Variants in DPP6 observed in about 807,000 individuals in gnomAD.
DPP6 encodes the protein A-type potassium channel modulatory protein DPP6.
Under a neutral mutation model 122.6 loss-of-function variants are expected in DPP6, and 69 were observed. The observed-to-expected ratio is 0.56, with a 90% CI of 0.46 to 0.69. The LOEUF (loss-of-function observed/expected upper bound fraction) is 0.69. Among genes scored for constraint, DPP6 ranks in the 30% least tolerant of loss-of-function variants. The pLI is 0.00. For missense variants in DPP6, 928 were observed against 1,116.9 expected (o/e 0.83, Z 2.41); for synonymous variants, 418 against 433.1 (o/e 0.97, Z 0.43).
intron 1 of DPP6, among the ~76,000 whole-genome samples, chr7:154,267,676 A>G (rs1585785865): frequency 2.0e-5 from 3 of 149,088 alleles, no homozygotes; most frequent in South Asian, 2.1e-4. Flanking sequence ...ATGTGTGTGT[A>G]TATATTTATC....
chr7:154,147,463 TTC>T (rs1796153922), intron 1 of DPP6, among the ~76,000 whole-genome samples: 1 of 138,062 alleles, frequency 7.2e-6, no homozygotes, highest in Non-Finnish European at 1.5e-5. Flanking sequence ...CCTTCCTTCC[TTC>T]CTTCCTTCCT....
At chr7:153,995,287 T>C (rs71530475) in intron 1 of DPP6, among the ~76,000 whole-genome samples, 1 of 152,152 alleles carries the variant, frequency 6.6e-6, no homozygotes, top group East Asian at 1.9e-4. Context: ...CCATGAGTTC[T>C]TTTAAGAAGG....
intron 7 of DPP6, among the ~76,000 whole-genome samples, chr7:154,701,026 C>T (rs1840494750): frequency 6.6e-6 from 1 of 152,158 alleles, no homozygotes; most frequent in Admixed American, 6.5e-5. Context: ...CATCACCCCC[C>T]ATCTGCCTGG....
chr7:154,149,213 C>A (rs1796280730), intron 1 of DPP6, among the ~76,000 whole-genome samples: 2 of 152,286 alleles, frequency 1.3e-5, no homozygotes, highest in Non-Finnish European at 1.5e-5. Context: ...AGCTCCATCT[C>A]AAAACCTACC....
chr7:154,384,300 C>T (rs1245148698), intron 1 of DPP6, among the ~76,000 whole-genome samples: 3 of 152,156 alleles, frequency 2.0e-5, no homozygotes, highest in African/African-American at 2.4e-5. Context: ...CAGGAAAGGA[C>T]AAGTCAAGGC....
chr7:154,579,862 G>A (rs1309843144), intron 5 of DPP6, among the ~76,000 whole-genome samples: 4 of 152,086 alleles, frequency 2.6e-5, no homozygotes, highest in African/African-American at 4.8e-5. Flanking sequence ...CGGTAAGGAG[G>A]GCAAGTTATC....
chr7:154,576,800 C>G (rs1294293653), intron 5 of DPP6, among the ~76,000 whole-genome samples: 1 of 152,020 alleles, frequency 6.6e-6, no homozygotes, highest in South Asian at 2.1e-4. Context: ...GTAGGTGTCC[C>G]CTGGGGCTAG....
intron 14 of DPP6, 121 bp from the exon 15 acceptor site, chr7:154,804,796 T>A: frequency 1.4e-6 from 2 of 1,384,824 alleles, no homozygotes; most frequent in Admixed American, 2.0e-5. Flanking sequence ...ACAGGGGAGC[T>A]ACTCCCTGCA....
intron 16 of DPP6, among the ~76,000 whole-genome samples, chr7:154,813,154 C>T (rs900410155): frequency 6.6e-6 from 1 of 151,592 alleles, no homozygotes; most frequent in Non-Finnish European, 1.5e-5. Flanking sequence ...GATCTTGGCT[C>T]ATTGCAAGCT....
intron 1 of DPP6, among the ~76,000 whole-genome samples, chr7:154,100,140 G>A (rs1314812081): frequency 9.0e-6 from 1 of 111,270 alleles, no homozygotes; most frequent in Admixed American, 9.6e-5. Flanking sequence ...TCACAGAAAA[G>A]GTTTCGATTA....
intron 6 of DPP6, among the ~76,000 whole-genome samples, chr7:154,648,314 T>C (rs1226713956): frequency 6.6e-6 from 1 of 151,624 alleles, no homozygotes. Context: ...CCAGGCCTGA[T>C]GCGAAGCACT....
chr7:154,766,645 C>T (rs534338733), intron 8 of DPP6, among the ~76,000 whole-genome samples: 1 of 152,310 alleles, frequency 6.6e-6, no homozygotes, highest in African/African-American at 2.4e-5. Flanking sequence ...TGGTTTTGTT[C>T]TACCTCCCAG....
At chr7:154,867,828 G>T (rs543442542) in intron 17 of DPP6, among the ~76,000 whole-genome samples, 167 bp from the exon 18 acceptor site, 8 of 152,242 alleles carry the variant, frequency 5.3e-5, no homozygotes, top group African/African-American at 1.9e-4. Flanking sequence ...CGCATAACTT[G>T]AGCGTGTTTT....
rs570118618 is a variant in DPP6, at chr7:154,812,932, T to C, written c.1666+5820T>C. On this transcript the variant is annotated intron_variant, in intron 16 of 25. Transcript: ENST00000377770. ...TAACATTTCTTCAGCGGCTTCTCAA[T>C]ATTTGACATTTGTATGCTTATATGT... 1.4e-3 allele frequency among the ~76,000 whole-genome samples: 210 copies of C among 152,332 alleles called. 2 individuals are homozygous for C. The highest frequency in any genetic ancestry group is 1.2e-3 in the Non-Finnish European group (79 of 68,028).
At chr7:154,131,449 A>G (rs1273721442) in intron 1 of DPP6, among the ~76,000 whole-genome samples, 1 of 152,264 alleles carries the variant, frequency 6.6e-6, no homozygotes, top group Non-Finnish European at 1.5e-5. Context: ...TTAGAGTTTC[A>G]TGTCAGAGGC....
Position 154,241,185 on chromosome 7 carries a change from A to ATGTGTGTGTGTGTG in DPP6, c.243+188144_243+188157dup, listed in dbSNP as rs1554498771. Among the ~76,000 whole-genome samples, 59 of 136,266 alleles carry ATGTGTGTGTGTGTG rather than the reference A, an allele frequency of 4.3e-4. 1 individual carries two copies. Among genetic ancestry groups the ATGTGTGTGTGTGTG allele is most frequent in the African/African-American group, 1.5e-3 (52 of 35,784 alleles). The allele number at this position is 136,266 out of a possible 152,430, so 89.4% of individuals were successfully genotyped here. A position where few individuals can be genotyped will look rare whatever the true frequency, so the allele number is the denominator to read the frequency against. ...GCACAGTAGGTAATTCAATATCAATATGTGTGTGTGTGTGTGTGTGTGTGT... is the reference window on the plus strand; with the variant it reads ...GCACAGTAGGTAATTCAATATCAATATGTGTGTGTGTGTGTGTGTGTGTGTGTGTGTGTGTGTGT... On this transcript the variant is annotated intron_variant, in intron 1 of 25. Coordinates refer to ENST00000377770, the MANE Select transcript of DPP6 (RefSeq NM_130797.4). This position sits in a 1 kb window ranked among gnomAD's most constrained non-coding sequence, Gnocchi z 9.0.
chr7:154,436,043 T>C (rs1818832989), intron 1 of DPP6, among the ~76,000 whole-genome samples: 1 of 152,178 alleles, frequency 6.6e-6, no homozygotes, highest in Admixed American at 6.5e-5. Context: ...GACCTTTCTC[T>C]AGGCACTTTT....
chr7:154,843,978 C>T (rs1422946973), intron 16 of DPP6, among the ~76,000 whole-genome samples: 2 of 152,240 alleles, frequency 1.3e-5, no homozygotes, highest in African/African-American at 4.8e-5. Context: ...CAGCTAGCAC[C>T]ATGCCTTGCA....
At chr7:154,543,779 A>G (rs535017583) in intron 4 of DPP6, among the ~76,000 whole-genome samples, 1 of 152,170 alleles carries the variant, frequency 6.6e-6, no homozygotes, top group African/African-American at 2.4e-5. Context: ...GGATCACTTG[A>G]AGTCAGGAGT....
Sources: allele counts gnomAD v4.1 joint callset (sites outside exome capture counted in the v4.1 genomes callset), GRCh38; gene constraint gnomAD v4.1.1; non-coding constraint Gnocchi (gnomAD v3.1); transcripts MANE v1.5; gene names NCBI Gene and HGNC (gene_info 2026-07-23, HGNC 2026-07-21).